The following NCR3 variants were observed in gnomAD, a reference collection of about 807,000 sequenced individuals.
NCR3 encodes natural cytotoxicity triggering receptor 3.
A neutral mutation model predicts 16.1 loss-of-function variants in NCR3; 13 were observed. The ratio of observed to expected loss-of-function variants is 0.81; its 90% CI spans 0.53 to 1.28. NCR3 has a LOEUF of 1.28. NCR3 is among the 50% of genes most tolerant of loss of function. The pLI is 0.00. For synonymous variants in NCR3, 98 were observed against 106.6 expected, an observed-to-expected ratio of 0.92 and a Z score of 0.50; for missense variants, 202 against 256.8, an observed-to-expected ratio of 0.79 and a Z score of 1.46.
chr6:31,588,960 C>T lies in NCR3; in HGVS notation c.*107G>A. 1 of 1,294,988 alleles carries T rather than the reference C, an allele frequency of 7.7e-7. No individual in the cohort carries two copies. The highest frequency in any genetic ancestry group is 1.5e-5 in the African/African-American group (1 of 66,754). The allele number at this position is 1,294,988 out of a possible 1,614,324, so 80.2% of individuals were successfully genotyped here. A position where few individuals can be genotyped will look rare whatever the true frequency, so the allele number is the denominator to read the frequency against. On this transcript the variant is annotated 3_prime_UTR_variant, in exon 4 of 4. Transcript: ENST00000340027. Reference sequence around the variant, plus strand: ...GGGTGAATGACAGTGTTCAGGGACCCAAGCTCCCCTAACAGCCAGAAGAGG... The same window carrying T: ...GGGTGAATGACAGTGTTCAGGGACCTAAGCTCCCCTAACAGCCAGAAGAGG...
At chr6:31,591,513 C>T (rs1441509922) in intron 1 of NCR3, among the ~76,000 whole-genome samples, 1 of 152,200 alleles carries the variant, frequency 6.6e-6, no homozygotes, top group African/African-American at 2.4e-5. Context: ...TAAGGTCTCT[C>T]AGTTCATTAA....
In NCR3 at chr6:31,589,981, C is replaced by G; in HGVS notation, c.189G>C (p.Gly63=). ...CTGGGGTTCCATTCCTCACCTCCTT[C>G]CCTGGAACCACCTCATCTCGGAACC... ...VTWFRDEVVP[G]KEVRNGTPEF... Residue 63 remains glycine, a synonymous_variant, in exon 2 of 4, where the codon GGG becomes GGC. Coordinates refer to ENST00000340027, the MANE Select transcript of NCR3 (RefSeq NM_147130.3). This position sits in a 1 kb window ranked among gnomAD's most constrained non-coding sequence, Gnocchi z 4.8. 4 of 1,613,098 alleles carry G rather than the reference C, an allele frequency of 2.5e-6. No individual in the cohort carries two copies. The highest frequency in any genetic ancestry group is 3.4e-6 in the Non-Finnish European group (4 of 1,180,028).
At position 31,589,761 on chromosome 6, in the gene NCR3, C is replaced by T; in HGVS notation, c.388+21G>A. 6.2e-7 allele frequency: 1 copy of T among 1,604,580 alleles called. No individual in the cohort carries two copies. Among genetic ancestry groups the T allele is most frequent in the South Asian group, 1.1e-5 (1 of 90,276 alleles). On this transcript the variant is annotated intron_variant, in intron 2 of 3. Transcript: ENST00000340027. The surrounding 1 kb of genome is among the most constrained non-coding windows in gnomAD (Gnocchi z 4.8). ...CTTGGGGCCTCCAGCCAGGAGGAGA[C>T]ACCACCTCCCAGCATCTCACCTTTC... is the stretch of plus-strand genomic sequence containing the variant.
intron 1 of NCR3, among the ~76,000 whole-genome samples, chr6:31,590,717 C>A (rs371554107): frequency 2.0e-5 from 3 of 152,326 alleles, no homozygotes; most frequent in African/African-American, 7.2e-5. Context: ...GAAATGTAAA[C>A]CATCATGGTG....
intron 1 of NCR3, among the ~76,000 whole-genome samples, chr6:31,592,429 AG>A (rs2150418723): frequency 6.6e-6 from 1 of 151,030 alleles, no homozygotes; most frequent in South Asian, 2.1e-4. Context: ...AAAAAAAAAA[AG>A]TTTCACCAAG....
Position 31,592,659 on chromosome 6 carries a change from C to T in NCR3, c.43+20G>A. ...CCTCCCACCCACACTCCTTGGGGTCCTGAGCGCACGCCCTGTCACCTGGAT... is the reference window on the plus strand; with the variant it reads ...CCTCCCACCCACACTCCTTGGGGTCTTGAGCGCACGCCCTGTCACCTGGAT... On this transcript the variant is annotated intron_variant, in intron 1 of 3. Coordinates refer to ENST00000340027, the MANE Select transcript of NCR3 (RefSeq NM_147130.3). 6.2e-7 allele frequency: 1 copy of T among 1,612,846 alleles called. No homozygotes were observed. The highest frequency in any genetic ancestry group is 1.1e-5 in the South Asian group (1 of 91,076).
At chr6:31,590,271 C>T (rs919491380) in intron 1 of NCR3, 145 bp from the exon 2 acceptor site, 2 of 669,096 alleles carry the variant, frequency 3.0e-6, no homozygotes, top group Non-Finnish European at 2.5e-6. Flanking sequence ...TTAAACCCTT[C>T]CCTCTTAACC....
chr6:31,591,633 T>C (rs910852602), intron 1 of NCR3, among the ~76,000 whole-genome samples: 1 of 152,018 alleles, frequency 6.6e-6, no homozygotes, highest in Non-Finnish European at 1.5e-5. Flanking sequence ...CTGGCCAACA[T>C]GGTGAAACCT....
rs1233118364 is a variant in NCR3 at position 31,589,788 on chromosome 6, C to T, written c.382G>A (p.Glu128Lys). 1.9e-6 allele frequency: 3 copies of T among 1,609,646 alleles called. No individual in the cohort carries two copies. Among genetic ancestry groups the T allele is most frequent in the Middle Eastern group, 1.7e-4 (1 of 6,016 alleles). Residue 128 changes from glutamate to lysine, a missense_variant, in exon 2 of 4, where the codon GAG becomes AAG. By Grantham distance (56) the Glu-to-Lys change is moderately conservative. Coordinates refer to ENST00000340027, the MANE Select transcript of NCR3 (RefSeq NM_147130.3). The surrounding 1 kb of genome is among the most constrained non-coding windows in gnomAD (Gnocchi z 4.8). ...GTGNGTRLVVEKEHPQLGAGT... is the reference protein window; with the variant it reads ...GTGNGTRLVVKKEHPQLGAGT... ...CCACCTCCCAGCATCTCACCTTTCTCCACCACCAGCCGAGTCCCATTCCCT... is the reference window on the plus strand; with the variant it reads ...CCACCTCCCAGCATCTCACCTTTCTTCACCACCAGCCGAGTCCCATTCCCT...
Position 31,589,615 on chromosome 6 carries a change from GC to G in NCR3, c.406del (p.Ala136LeufsTer32). 6.2e-7 allele frequency: 1 copy of G among 1,613,776 alleles called. No individual in the cohort carries two copies. The highest frequency in any genetic ancestry group is 8.5e-7 in the Non-Finnish European group (1 of 1,180,020). On this transcript the variant is annotated frameshift_variant, in exon 3 of 4. Coordinates refer to ENST00000340027, the MANE Select transcript of NCR3 (RefSeq NM_147130.3). LOFTEE classifies it high-confidence loss of function. The surrounding 1 kb of genome is among the most constrained non-coding windows in gnomAD (Gnocchi z 4.8). ...VVEKEHPQLG[A>X]GTVLLLRAGF... ...AGCCCGAAGGAGGAGGACTGTACCA[GC>G]CCCTAGCTGAGGATGTTCTGCATGG...
At position 31,592,863 on chromosome 6, in the gene NCR3, C is replaced by T. The variant is rs866225134; in HGVS notation, c.-142G>A. On this transcript the variant is annotated 5_prime_UTR_variant, in exon 1 of 4. It adds an upstream start codon to the 5' untranslated region. Coordinates refer to ENST00000340027, the MANE Select transcript of NCR3 (RefSeq NM_147130.3). Reference sequence around the variant, plus strand: ...TATGACACACGGGACTCACACATCACTTGCCAAGGACCACAACTGCCAGGG... The same window carrying T: ...TATGACACACGGGACTCACACATCATTTGCCAAGGACCACAACTGCCAGGG... The T allele has an allele frequency of 7.3e-6, 6 of 819,646 alleles. No individual in the cohort carries two copies. The highest frequency in any genetic ancestry group is 2.2e-4 in the Middle Eastern group (1 of 4,488). The allele number at this position is 819,646 out of a possible 1,614,324, so 50.8% of individuals were successfully genotyped here.
chr6:31,592,753 C>G lies in NCR3; in HGVS notation c.-32G>C. On this transcript the variant is annotated 5_prime_UTR_variant, in exon 1 of 4. Coordinates refer to ENST00000340027, the MANE Select transcript of NCR3 (RefSeq NM_147130.3). ...AGATGTCCCAGTTGGCGAAGGGGAT[C>G]TGAGCAGTGAGGTCTGGGTGGAGGA... The G allele has an allele frequency of 6.2e-7, 1 of 1,612,606 alleles. No homozygotes were observed. The highest frequency in any genetic ancestry group is 8.5e-7 in the Non-Finnish European group (1 of 1,179,862).
chr6:31,589,120 G>A lies in NCR3; in HGVS notation c.553C>T (p.Pro185Ser), dbSNP rs1333169643. The A allele has an allele frequency of 6.2e-7, 1 of 1,612,520 alleles. No homozygotes were observed. The highest frequency in any genetic ancestry group is 8.5e-7 in the Non-Finnish European group (1 of 1,179,156). ...QLPAVVPAPL[P>S]PPCGSSAHLL... ...TGTGCTGAGCTCCCACATGGTGGTG[G>A]GAGGGGCGCTGGGACCACAGCCGGC... The change falls in exon 4 of 4, where the codon CCA (proline) becomes TCA (serine). Residue 185 changes from proline (P) to serine (S), a missense_variant. Physicochemically the swap from Pro to Ser is moderately conservative, Grantham distance 74. Transcript: ENST00000340027. This position sits in a 1 kb window ranked among gnomAD's most constrained non-coding sequence, Gnocchi z 4.8.
chr6:31,589,337 A>C lies in NCR3; in HGVS notation c.497-161T>G, dbSNP rs1160818383. 6.4e-7 allele frequency: 1 copy of C among 1,551,858 alleles called. No individual in the cohort carries two copies. Among genetic ancestry groups the C allele is most frequent in the African/African-American group, 1.4e-5 (1 of 72,924 alleles). On this transcript the variant is annotated intron_variant, in intron 3 of 3. Coordinates refer to ENST00000340027, the MANE Select transcript of NCR3 (RefSeq NM_147130.3). The surrounding 1 kb of genome is among the most constrained non-coding windows in gnomAD (Gnocchi z 4.8). ...CTAGGGACATCTGGGCTCTGGAATC[A>C]CTCCTCGGGGCCCATCTGAGGAGTG...
chr6:31,592,796 G>A lies in NCR3; in HGVS notation c.-75C>T. On this transcript the variant is annotated 5_prime_UTR_variant, in exon 1 of 4. Transcript: ENST00000340027. ...GTGGAGGAGGAAGGACTCACTACTT[G>A]TAGCCAGGCCTTTGGTCACCAGATG... The A allele has an allele frequency of 6.5e-7, 1 of 1,549,318 alleles. No homozygotes were observed. Among genetic ancestry groups the A allele is most frequent in the Non-Finnish European group, 8.9e-7 (1 of 1,125,028 alleles).
In NCR3 at chr6:31,588,906, C is replaced by T; in HGVS notation, c.*161G>A. Reference sequence around the variant, plus strand: ...AAAAAACACATGGCTCACCCTTCCACCCACTCTGGGGTCAAATAGTAATTT... The same window carrying T: ...AAAAAACACATGGCTCACCCTTCCATCCACTCTGGGGTCAAATAGTAATTT... On this transcript the variant is annotated 3_prime_UTR_variant, in exon 4 of 4. Coordinates refer to ENST00000340027, the MANE Select transcript of NCR3 (RefSeq NM_147130.3). 1.1e-6 allele frequency: 1 copy of T among 927,526 alleles called. No individual in the cohort carries two copies. The highest frequency in any genetic ancestry group is 1.6e-6 in the Non-Finnish European group (1 of 625,332). The allele number at this position is 927,526 out of a possible 1,614,324, so 57.5% of individuals were successfully genotyped here.
In NCR3 at chr6:31,590,121, AG is replaced by A. The variant is rs1772509298; in HGVS notation, c.48del (p.Cys17ValfsTer50). On this transcript the variant is annotated frameshift_variant, in exon 2 of 4. Transcript: ENST00000340027. LOFTEE classifies it high-confidence loss of function. ...GGGGGCTGGGACACCCAGAGAGCACAGGATCCTGGGGGCAGAAGGAAGACCC... is the reference window on the plus strand; with the variant it reads ...GGGGGCTGGGACACCCAGAGAGCACAGATCCTGGGGGCAGAAGGAAGACCC... ...LLILIMVHPG[S>X]CALWVSQPPE... 6.2e-7 allele frequency: 1 copy of A among 1,608,122 alleles called. No homozygotes were observed. Among genetic ancestry groups the A allele is most frequent in the African/African-American group, 1.3e-5 (1 of 74,766 alleles).
At chr6:31,590,193 C>G (rs552003136) in intron 1 of NCR3, 67 bp from the exon 2 acceptor site, 16 of 1,410,592 alleles carry the variant, frequency 1.1e-5, no homozygotes, top group Non-Finnish European at 1.5e-5. Context: ...GACAACAGAG[C>G]TTGGAGTAGA....
At chr6:31,591,643 T>A (rs943953371) in intron 1 of NCR3, among the ~76,000 whole-genome samples, 5 of 146,500 alleles carry the variant, frequency 3.4e-5, no homozygotes, top group African/African-American at 1.3e-4. Flanking sequence ...TGGTGAAACC[T>A]CGTCTCTACT....
Sources: allele counts gnomAD v4.1 joint callset (sites outside exome capture counted in the v4.1 genomes callset), GRCh38; gene constraint gnomAD v4.1.1; non-coding constraint Gnocchi (gnomAD v3.1); transcripts MANE v1.5; gene names NCBI Gene and HGNC (gene_info 2026-07-23, HGNC 2026-07-21).